MCMBP: variants seen among roughly 807,000 people sequenced by gnomAD.
The protein encoded by MCMBP is mini-chromosome maintenance complex-binding protein.
In MCMBP, 31 loss-of-function variants were observed where a neutral mutation model predicts 81.3. The observed-to-expected ratio is 0.38, with a 90% confidence interval of 0.29 to 0.51. The LOEUF (loss-of-function observed/expected upper bound fraction) is 0.51. Ranked by LOEUF, MCMBP falls within the 20% of genes least tolerant of loss-of-function variation. The pLI, the probability that MCMBP is intolerant of heterozygous loss-of-function variation, is 0.87. For missense variants in MCMBP, 645 were observed against 772.1 expected, an observed-to-expected ratio of 0.84 and a Z score of 1.95; for synonymous variants, 267 against 275.9, an observed-to-expected ratio of 0.97 and a Z score of 0.32.
At chr10:119,835,469 T>C in intron 14 of MCMBP, 71 bp downstream of exon 14, 1 of 1,307,006 alleles carries the variant, frequency 7.7e-7, no homozygotes, top group Non-Finnish European at 1.1e-6. Context: ...TATCAGTAAT[T>C]ATGGTAAATG....
Position 119,842,472 on chromosome 10 carries a change from A to G in MCMBP, c.1124T>C (p.Val375Ala), listed in dbSNP as rs1445003144. The part of the protein sequence containing the change: ...EYLILHLIST[V>A]YTRRDVLPLG... ...ATTCCCACCAGGATACAGCACTTAC[A>G]CTGTGGAGATGAGATGTAATATAAG... Residue 375 changes from valine to alanine, a missense_variant and splice_region_variant, in exon 10 of 16, where the codon GTA (valine) becomes GCA (alanine). Val to Ala is a moderately conservative substitution (Grantham distance 64, BLOSUM62 0). Coordinates refer to ENST00000369077, the MANE Select transcript of MCMBP (RefSeq NM_001256378.2). 5 of 1,612,270 alleles carry G rather than the reference A, an allele frequency of 3.1e-6. No homozygotes were observed. Among genetic ancestry groups the G allele is most frequent in the African/African-American group, 1.3e-5 (1 of 74,816 alleles).
Position 119,857,452 on chromosome 10 carries a change from T to C in MCMBP, c.328-13A>G, listed in dbSNP as rs763679116. On this transcript the variant is annotated splice_polypyrimidine_tract_variant and intron_variant, in intron 4 of 15. Transcript: ENST00000369077. ...GTTCTTGTTGAGGCTGTGATATACATAAAAAGTGTTTTTAAAAATTTACTT... is the reference window on the plus strand; with the variant it reads ...GTTCTTGTTGAGGCTGTGATATACACAAAAAGTGTTTTTAAAAATTTACTT... 2 of 1,532,068 alleles carry C rather than the reference T, an allele frequency of 1.3e-6. No homozygotes were observed. Among genetic ancestry groups the C allele is most frequent in the East Asian group, 2.3e-5 (1 of 43,752 alleles). 94.9% of individuals were successfully genotyped at this position (1,532,068 alleles called of 1,614,324 possible).
chr10:119,870,219 C>T (rs1161946180), intron 1 of MCMBP, among the ~76,000 whole-genome samples: 5 of 152,144 alleles, frequency 3.3e-5, no homozygotes, highest in African/African-American at 4.8e-5. Context: ...GAGGCCGAGG[C>T]GGGCGGATCA....
intron 8 of MCMBP, among the ~76,000 whole-genome samples, chr10:119,847,101 T>G (rs985895969): frequency 1.3e-5 from 2 of 152,002 alleles, no homozygotes; most frequent in African/African-American, 4.8e-5. Context: ...AGAGTTACAC[T>G]AATACAGAAA....
At chr10:119,850,597 A>T (rs1266226018) in intron 6 of MCMBP, among the ~76,000 whole-genome samples, 1 of 151,540 alleles carries the variant, frequency 6.6e-6, no homozygotes, top group Non-Finnish European at 1.5e-5. Flanking sequence ...AAAATACAAA[A>T]AATTAGCCAG....
In MCMBP at chr10:119,836,953, C is replaced by T. The variant is rs146806422; in HGVS notation, c.1485G>A (p.Met495Ile). The T allele has an allele frequency of 1.2e-6, 2 of 1,613,720 alleles. No homozygotes were observed. The highest frequency in any genetic ancestry group is 1.7e-6 in the Non-Finnish European group (2 of 1,179,842). ...AAACGTTAATATTGCAGGGGAATTC[C>T]ATCTGATGGTAGCTGAAGTCATAAT... Reference protein sequence around the residue: ...KVDYDFSYHQMEFPCNINVFI... With the variant: ...KVDYDFSYHQIEFPCNINVFI... Residue 495 changes from methionine to isoleucine, a missense_variant, in exon 13 of 16, where the codon ATG becomes ATA. Coordinates refer to ENST00000369077, the MANE Select transcript of MCMBP (RefSeq NM_001256378.2).
chr10:119,869,291 C>T (rs984416659), intron 1 of MCMBP, among the ~76,000 whole-genome samples: 1 of 151,908 alleles, frequency 6.6e-6, no homozygotes, highest in Non-Finnish European at 1.5e-5. Context: ...CAAAAATTAG[C>T]GGCTCGGTGT....
At position 119,840,935 on chromosome 10, in the gene MCMBP, G is replaced by T. The variant is rs746303503; in HGVS notation, c.1150C>A (p.Leu384Ile). The T allele has an allele frequency of 1.2e-5, 20 of 1,607,838 alleles. No individual in the cohort carries two copies. Among genetic ancestry groups the T allele is most frequent in the Non-Finnish European group, 1.6e-5 (19 of 1,176,036 alleles). ...CTCAAGTTAACTGTAAATTTTCCTA[G>T]TGGAAGGACATCTCTTCTTGTATAT... Reference protein sequence around the residue: ...TVYTRRDVLPLGKFTVNLSGC... With the variant: ...TVYTRRDVLPIGKFTVNLSGC... The change falls in exon 11 of 16, where the codon CTA becomes ATA. Residue 384 changes from leucine to isoleucine, a missense_variant. Physicochemically the swap from Leu to Ile is conservative, Grantham distance 5. Coordinates refer to ENST00000369077, the MANE Select transcript of MCMBP (RefSeq NM_001256378.2).
chr10:119,865,813 C>T (rs1050571016), intron 1 of MCMBP, among the ~76,000 whole-genome samples: 3 of 151,666 alleles, frequency 2.0e-5, no homozygotes, highest in African/African-American at 4.8e-5. Flanking sequence ...CAGTGGCTCA[C>T]ATCTGTAATC....
intron 8 of MCMBP, among the ~76,000 whole-genome samples, chr10:119,846,662 A>C (rs988375319): frequency 1.3e-5 from 2 of 152,218 alleles, no homozygotes; most frequent in African/African-American, 2.4e-5. Context: ...TAACATACTG[A>C]GGATACATCA....
rs927500218 is a variant in MCMBP at position 119,829,980 on chromosome 10, A to G, written c.*1494T>C. 1 of 152,784 alleles carries G rather than the reference A, an allele frequency of 6.5e-6. No individual in the cohort carries two copies. Among genetic ancestry groups the G allele is most frequent in the Admixed American group, 6.5e-5 (1 of 15,302 alleles). 9.5% of individuals were successfully genotyped at this position (152,784 alleles called of 1,614,324 possible). On this transcript the variant is annotated 3_prime_UTR_variant, in exon 16 of 16. Transcript: ENST00000369077. ...TATTTTATCCTCACAAATCCAGTGAAGCCTTCATTTTATTTCTAAAAGTTT... is the reference window on the plus strand; with the variant it reads ...TATTTTATCCTCACAAATCCAGTGAGGCCTTCATTTTATTTCTAAAAGTTT...
chr10:119,832,173 GATGTAGTAAGGTGC>G lies in MCMBP; in HGVS notation c.1708-87_1708-74del, dbSNP rs1852072681. 1.6e-5 allele frequency: 21 copies of G among 1,352,596 alleles called. No homozygotes were observed. The South Asian group carries it at 2.8e-4, about 18-fold the overall frequency. 83.8% of individuals were successfully genotyped at this position (1,352,596 alleles called of 1,614,324 possible). A position where few individuals can be genotyped will look rare whatever the true frequency, so the allele number is the denominator to read the frequency against. On this transcript the variant is annotated intron_variant, in intron 14 of 15. Coordinates refer to ENST00000369077, the MANE Select transcript of MCMBP (RefSeq NM_001256378.2). The stretch of plus-strand genomic sequence containing the variant: ...AGAAAATTAACATGGTTCCTTGACT[GATGTAGTAAGGTGC>G]ATGTCAGCCTCTTAGACAAAGGAGG...
At position 119,859,068 on chromosome 10, in the gene MCMBP, T is replaced by C. The variant is rs758599074; in HGVS notation, c.258A>G (p.Glu86=). The change falls in exon 3 of 16, where the codon GAA becomes GAG. Residue 86 remains glutamate, a synonymous_variant. Coordinates refer to ENST00000369077, the MANE Select transcript of MCMBP (RefSeq NM_001256378.2). ...GTGCTTTTGTGTTTTGGTTAACCGT[T>C]TCATAAACTCCCATGTAAAACTCAG... ...FDPEFYMGVY[E]TVNQNTKAHV... The C allele has an allele frequency of 1.9e-6, 3 of 1,613,778 alleles. No homozygotes were observed. The highest frequency in any genetic ancestry group is 2.5e-6 in the Non-Finnish European group (3 of 1,179,810).
intron 14 of MCMBP, among the ~76,000 whole-genome samples, chr10:119,833,011 A>G (rs1852101816): frequency 6.6e-6 from 1 of 152,216 alleles, no homozygotes; most frequent in Non-Finnish European, 1.5e-5. Flanking sequence ...GCTCTGTGCG[A>G]GCAGGAAATG....
At chr10:119,859,321 G>C (rs1394850065) in intron 2 of MCMBP, 140 bp from the exon 3 acceptor site, 8 of 686,092 alleles carry the variant, frequency 1.2e-5, no homozygotes, top group Non-Finnish European at 1.6e-5. Flanking sequence ...CCACATCAGA[G>C]AGCCAAATGA....
At chr10:119,836,632 T>C (rs2134341276) in intron 13 of MCMBP, among the ~76,000 whole-genome samples, 1 of 152,318 alleles carries the variant, frequency 6.6e-6, no homozygotes, top group South Asian at 2.1e-4. Flanking sequence ...TGCTCAGATG[T>C]GGGTGTTTCT....
intron 1 of MCMBP, among the ~76,000 whole-genome samples, chr10:119,860,333 T>G (rs763194341): frequency 7.2e-5 from 11 of 152,214 alleles, no homozygotes; most frequent in Non-Finnish European, 1.2e-4. Flanking sequence ...TTGGGAATAA[T>G]TCCAGATTCA....
chr10:119,861,270 TG>T (rs532948229), intron 1 of MCMBP, among the ~76,000 whole-genome samples: 183 of 152,328 alleles, frequency 1.2e-3, no homozygotes, highest in African/African-American at 3.2e-3. Context: ...GAAGTAGGGA[TG>T]GGGGACTCCT....
In MCMBP at chr10:119,872,764, G is replaced by C. The variant is rs1234391436; in HGVS notation, c.-180C>G. 5.4e-6 allele frequency: 1 copy of C among 184,374 alleles called. No individual in the cohort carries two copies. The highest frequency in any genetic ancestry group is 2.4e-5 in the African/African-American group (1 of 41,960). The allele number at this position is 184,374 out of a possible 1,614,324, so 11.4% of individuals were successfully genotyped here. A position where few individuals can be genotyped will look rare whatever the true frequency, so the allele number is the denominator to read the frequency against. ...GGCCTCCCGCGCCTCAGGGAGCGGCGGCTGCGGTGGGGCCGCCGAGGAGCT... is the reference window on the plus strand; with the variant it reads ...GGCCTCCCGCGCCTCAGGGAGCGGCCGCTGCGGTGGGGCCGCCGAGGAGCT... On this transcript the variant is annotated 5_prime_UTR_variant, in exon 1 of 16. Transcript: ENST00000369077.
Sources: allele counts gnomAD v4.1 joint callset (sites outside exome capture counted in the v4.1 genomes callset), GRCh38; gene constraint gnomAD v4.1.1; transcripts MANE v1.5; gene names NCBI Gene and HGNC (gene_info 2026-07-23, HGNC 2026-07-21).